ABR: variants seen among roughly 807,000 people sequenced by gnomAD.
ABR encodes the protein active breakpoint cluster region-related protein.
In ABR, 35 loss-of-function variants were observed where a neutral mutation model predicts 107.2. That is an observed-to-expected ratio of 0.33 (90% confidence interval 0.25 to 0.43). The LOEUF is 0.43. Ranked by LOEUF, ABR falls within the 20% of genes least tolerant of loss-of-function variation. The pLI, the probability that ABR is intolerant of heterozygous loss-of-function variation, is 1.00. For missense variants in ABR, 815 were observed against 1,115.2 expected (o/e 0.73, Z 3.83); for synonymous variants, 498 against 462.0 (o/e 1.08, Z -1.00).
chr17:1,223,533 G>A (rs907157721), intron 1 of ABR, among the ~76,000 whole-genome samples: 1 of 152,122 alleles, frequency 6.6e-6, no homozygotes, highest in Non-Finnish European at 1.5e-5. Context: ...GGGTGACCAT[G>A]GGCAATGTTA....
intron 2 of ABR, among the ~76,000 whole-genome samples, chr17:1,110,175 A>G (rs1173697974): frequency 1.3e-5 from 2 of 151,404 alleles, no homozygotes; most frequent in African/African-American, 4.9e-5. Context: ...GGCTTCTCCA[A>G]TGGTTGCAGA....
rs2042051790 is a variant in ABR at position 1,179,636 on chromosome 17, C to G, written c.61+31G>C. ...CCATCCTGGGGTCCCGATCCCGATC[C>G]TGGGGTCCCGCCCCCGCCCGGCACA... is the stretch of plus-strand genomic sequence containing the variant. On this transcript the variant is annotated intron_variant, in intron 1 of 22. Transcript: ENST00000302538. The surrounding 1 kb of genome is among the most constrained non-coding windows in gnomAD (Gnocchi z 4.9). 6.6e-7 allele frequency: 1 copy of G among 1,505,176 alleles called. No homozygotes were observed. The highest frequency in any genetic ancestry group is 2.1e-5 in the Admixed American group (1 of 46,730). 93.2% of individuals were successfully genotyped at this position (1,505,176 alleles called of 1,614,324 possible). A position where few individuals can be genotyped will look rare whatever the true frequency, so the allele number is the denominator to read the frequency against.
In ABR at chr17:1,200,613, G is replaced by A. The variant is rs151094105; in HGVS notation, c.838+28180C>T. On this transcript the variant is annotated intron_variant, in intron 1 of 22. Transcript: ENST00000574139. This position sits in a 1 kb window ranked among gnomAD's most constrained non-coding sequence, Gnocchi z 4.1. ...CAGCTTCATTTTCTCCCCTCCTCCC[G>A]TTACATCAAGCAGAACAAGTTTCAC... Among the ~76,000 whole-genome samples, 7 of 151,932 alleles carry A rather than the reference G, an allele frequency of 4.6e-5. No homozygotes were observed. Among genetic ancestry groups the A allele is most frequent in the Admixed American group, 1.3e-4 (2 of 15,220 alleles).
chr17:1,044,421 G>A (rs1418676366), intron 16 of ABR, among the ~76,000 whole-genome samples: 2 of 152,238 alleles, frequency 1.3e-5, no homozygotes, highest in African/African-American at 4.8e-5. Flanking sequence ...AGGCTGAGGT[G>A]GACAGATCAC....
intron 16 of ABR, among the ~76,000 whole-genome samples, chr17:1,028,327 G>C (rs993599365): frequency 2.0e-5 from 3 of 151,444 alleles, no homozygotes; most frequent in Admixed American, 2.0e-4. Context: ...TCGAACGCCT[G>C]ACCTCAGGTG....
chr17:1,017,072 G>C (rs191497627), intron 16 of ABR, among the ~76,000 whole-genome samples: 2 of 152,186 alleles, frequency 1.3e-5, no homozygotes, highest in East Asian at 1.9e-4. Context: ...ATGGAACCCA[G>C]AACAGGAGAC....
intron 16 of ABR, among the ~76,000 whole-genome samples, chr17:1,049,268 A>G (rs1050642190): frequency 1.3e-5 from 2 of 152,084 alleles, no homozygotes; most frequent in African/African-American, 4.8e-5. Context: ...CCTGGGTTCA[A>G]GCGATTCTCC....
At chr17:1,224,486 C>T (rs2043178736) in intron 1 of ABR, among the ~76,000 whole-genome samples, 1 of 152,134 alleles carries the variant, frequency 6.6e-6, no homozygotes. Context: ...AAGGCAAAGC[C>T]TGGATTGCCC....
At chr17:1,042,807 C>T (rs1040517212) in intron 16 of ABR, among the ~76,000 whole-genome samples, 2 of 151,616 alleles carry the variant, frequency 1.3e-5, no homozygotes, top group South Asian at 4.2e-4. Context: ...GATAAACAGA[C>T]GTGGCACCTA....
At chr17:1,140,740 G>GC (rs2040252402) in intron 1 of ABR, among the ~76,000 whole-genome samples, 2 of 151,944 alleles carry the variant, frequency 1.3e-5, no homozygotes, top group African/African-American at 4.8e-5. Flanking sequence ...CCGCCACCAT[G>GC]CCCGGCTAAT....
At chr17:1,103,326 C>A (rs555406492) in intron 2 of ABR, among the ~76,000 whole-genome samples, 71 of 152,194 alleles carry the variant, frequency 4.7e-4, no homozygotes, top group African/African-American at 1.7e-3. Flanking sequence ...TGGAACAGCC[C>A]CCAGCTCCAG....
chr17:1,155,817 A>C (rs1015469202), intron 1 of ABR: 7 of 152,070 alleles, frequency 4.6e-5, no homozygotes, highest in Non-Finnish European at 1.0e-4. Flanking sequence ...TACAAAAATT[A>C]GCCAGGCATG....
intron 3 of ABR, among the ~76,000 whole-genome samples, chr17:1,098,720 A>C (rs979844747): frequency 9.2e-5 from 14 of 152,138 alleles, no homozygotes; most frequent in African/African-American, 3.4e-4. Context: ...ACTGCCCCTC[A>C]CTTGGAAAAC....
intron 16 of ABR, among the ~76,000 whole-genome samples, chr17:1,016,351 C>T (rs2071158389): frequency 1.4e-5 from 2 of 147,814 alleles, no homozygotes; most frequent in African/African-American, 5.0e-5. Flanking sequence ...GAGTCTCGCT[C>T]TGTCGCCCAG....
chr17:1,221,141 A>G (rs1464368610), intron 1 of ABR, among the ~76,000 whole-genome samples: 3 of 152,222 alleles, frequency 2.0e-5, no homozygotes, highest in Non-Finnish European at 4.4e-5. Context: ...TGCCTACGCA[A>G]TATCAATTCT....
At chr17:1,055,972 C>A in intron 14 of ABR, 63 bp downstream of exon 14, 1 of 1,498,644 alleles carries the variant, frequency 6.7e-7, no homozygotes, top group Non-Finnish European at 9.3e-7. Flanking sequence ...GGGCCCCATC[C>A]TGGGCAGAGC....
In ABR at chr17:1,210,902, C is replaced by G. The variant is rs1258125034; in HGVS notation, c.838+17891G>C. Among the ~76,000 whole-genome samples the G allele has an allele frequency of 9.2e-5, 14 of 152,264 alleles. No homozygotes were observed. The South Asian group carries it at 2.9e-3, about 32-fold the overall frequency. On this transcript the variant is annotated intron_variant, in intron 1 of 22. Transcript: ENST00000574139. The surrounding 1 kb of genome is among the most constrained non-coding windows in gnomAD (Gnocchi z 5.6). ...TATTTTAAAGGTGCCAGACATTTAC[C>G]ACCTCATATCAAGCACTTGGCAAAG...
rs746240169 is a variant in ABR at position 1,013,107 on chromosome 17, C to T, written c.1849G>A (p.Gly617Arg). 3.7e-6 allele frequency: 6 copies of T among 1,613,976 alleles called. No homozygotes were observed. Among genetic ancestry groups the T allele is most frequent in the African/African-American group, 2.7e-5 (2 of 74,930 alleles). The change falls in exon 17 of 23, where the codon GGG (glycine) becomes AGG (arginine). Residue 617 changes from glycine (G) to arginine (R), a missense_variant and splice_region_variant. Gly to Arg is a moderately radical substitution (Grantham distance 125, BLOSUM62 -2). This residue lies in a region of ABR where 92 missense variants were observed against 82.3 expected (regional missense o/e 1.12). Coordinates refer to ENST00000302538, the MANE Select transcript of ABR (RefSeq NM_021962.5). Reference sequence around the variant, plus strand: ...GATCATTCCCATCCCCGGCTCACCCCGTTCATCTCAATCACGTCCGTGTGC... The same window carrying T: ...GATCATTCCCATCCCCGGCTCACCCTGTTCATCTCAATCACGTCCGTGTGC... ...NWHTDVIEMN[G>R]IKVEFSMKFT...
At chr17:1,013,045 T>C in intron 17 of ABR, 60 bp downstream of exon 17, 1 of 1,594,344 alleles carries the variant, frequency 6.3e-7, no homozygotes, top group South Asian at 1.1e-5. Context: ...GCTGCCCACC[T>C]GCTGCACAGA....
Sources: gnomAD v4.1 joint callset for allele counts (sites outside exome capture counted in the v4.1 genomes callset) on GRCh38, gnomAD v4.1.1 for gene constraint, gnomAD v4.1.1 regional missense constraint, Gnocchi (gnomAD v3.1) non-coding constraint, MANE v1.5 for transcripts, NCBI Gene and HGNC (gene_info 2026-07-23, HGNC 2026-07-21) for gene names.